TMTC2: variants seen among roughly 807,000 people sequenced by gnomAD.
TMTC2 encodes protein O-mannosyl-transferase TMTC2.
A neutral mutation model predicts 82.4 loss-of-function variants in TMTC2; 43 were observed. The ratio of observed to expected loss-of-function variants is 0.52; its 90% CI spans 0.41 to 0.67. The LOEUF is 0.67. TMTC2 is among the 30% of genes least tolerant of loss of function. The pLI is 0.00. For synonymous variants in TMTC2, 408 were observed against 381.9 expected (o/e 1.07, Z -0.80); for missense variants, 919 against 1,012.4 (o/e 0.91, Z 1.25).
intron 7 of TMTC2, among the ~76,000 whole-genome samples, chr12:82,968,775 C>G (rs1225601347): frequency 6.6e-6 from 1 of 152,150 alleles, no homozygotes; most frequent in Non-Finnish European, 1.5e-5. Context: ...ATGCTCAGCT[C>G]ACACAGGCAG....
intron 1 of TMTC2, among the ~76,000 whole-genome samples, chr12:82,849,026 G>T (rs1331075935): frequency 6.6e-6 from 1 of 152,098 alleles, no homozygotes; most frequent in Non-Finnish European, 1.5e-5. Flanking sequence ...AGTGATGGGA[G>T]ATTGGCCTTG....
chr12:83,088,427 C>T (rs1260390681), intron 11 of TMTC2, among the ~76,000 whole-genome samples: 1 of 152,180 alleles, frequency 6.6e-6, no homozygotes, highest in South Asian at 2.1e-4. Flanking sequence ...AGCTTTTGGC[C>T]TGTCTTGCCT....
chr12:83,125,861 T>C (rs1455874449), intron 11 of TMTC2, among the ~76,000 whole-genome samples: 1 of 152,220 alleles, frequency 6.6e-6, no homozygotes, highest in African/African-American at 2.4e-5. Flanking sequence ...ACTCCTGTTA[T>C]ATTAATGCAT....
At chr12:82,967,087 A>T in intron 7 of TMTC2, 90 bp downstream of exon 7, 1 of 940,220 alleles carries the variant, frequency 1.1e-6, no homozygotes. Flanking sequence ...AATTCTAATA[A>T]ATCATATTAA....
intron 8 of TMTC2, among the ~76,000 whole-genome samples, chr12:83,004,015 A>T (rs1880038906): frequency 6.6e-6 from 1 of 152,132 alleles, no homozygotes; most frequent in African/African-American, 2.4e-5. Context: ...AGTGAATTGC[A>T]GTTTTGATCT....
rs1180033034 is a variant in TMTC2, at chr12:82,691,485, T to C, written c.83+3816T>C. 4.6e-5 allele frequency among the ~76,000 whole-genome samples: 7 copies of C among 152,284 alleles called. No homozygotes were observed. In the East Asian group the frequency reaches 1.3e-3, roughly 29 times the overall value. On this transcript the variant is annotated intron_variant, in intron 1 of 11. Coordinates refer to ENST00000321196, the MANE Select transcript of TMTC2 (RefSeq NM_152588.3). The stretch of plus-strand genomic sequence containing the variant: ...AACACATGAGTTAATTTTTTCTTTA[T>C]AATGATTTTAATATTATTTAAAATG...
intron 7 of TMTC2, among the ~76,000 whole-genome samples, chr12:82,981,784 G>T (rs1024704649): frequency 6.6e-5 from 10 of 151,604 alleles, no homozygotes; most frequent in Non-Finnish European, 1.0e-4. Flanking sequence ...TTCTTTTCCT[G>T]TGGCCATTTC....
At chr12:82,765,703 AAAC>A (rs779617736) in intron 1 of TMTC2, among the ~76,000 whole-genome samples, 20 of 100,956 alleles carry the variant, frequency 2.0e-4, no homozygotes, top group Middle Eastern at 7.8e-3. Flanking sequence ...AAAACAAAAC[AAAC>A]AAACAAACAA....
At chr12:82,915,177 A>G (rs1874931796) in intron 3 of TMTC2, among the ~76,000 whole-genome samples, 1 of 152,142 alleles carries the variant, frequency 6.6e-6, no homozygotes, top group Non-Finnish European at 1.5e-5. Context: ...CTTAAGGAGC[A>G]TGGTTAAAGA....
chr12:83,122,814 A>G (rs1884995917), intron 11 of TMTC2, among the ~76,000 whole-genome samples: 1 of 152,166 alleles, frequency 6.6e-6, no homozygotes, highest in Admixed American at 6.5e-5. Context: ...CTGTCCAATC[A>G]GAGCTGCAAT....
At chr12:82,842,351 T>G (rs1201999910) in intron 1 of TMTC2, among the ~76,000 whole-genome samples, 1 of 152,166 alleles carries the variant, frequency 6.6e-6, no homozygotes, top group Non-Finnish European at 1.5e-5. Flanking sequence ...CCCCATTGAG[T>G]GATTCAAATT....
chr12:83,106,335 AC>A (rs1185067795), intron 11 of TMTC2, among the ~76,000 whole-genome samples: 4 of 152,074 alleles, frequency 2.6e-5, no homozygotes, highest in Non-Finnish European at 5.9e-5. Flanking sequence ...CCCCATCTTT[AC>A]TAAAAATACA....
intron 3 of TMTC2, among the ~76,000 whole-genome samples, chr12:82,904,032 C>A (rs992239180): frequency 2.6e-5 from 4 of 152,156 alleles, no homozygotes; most frequent in Non-Finnish European, 4.4e-5. Flanking sequence ...CAAAACTCTT[C>A]CAATCCAGGT....
At chr12:83,080,045 C>T (rs2137502491) in intron 11 of TMTC2, among the ~76,000 whole-genome samples, 1 of 152,190 alleles carries the variant, frequency 6.6e-6, no homozygotes, top group South Asian at 2.1e-4. Context: ...CTTAGTTTTC[C>T]CTTCATTGCA....
chr12:82,880,159 TATG>T (rs1872754474), intron 2 of TMTC2, among the ~76,000 whole-genome samples: 1 of 152,194 alleles, frequency 6.6e-6, no homozygotes, highest in South Asian at 2.1e-4. Context: ...TATTAAGAAA[TATG>T]ATCCTTACTG....
intron 4 of TMTC2, among the ~76,000 whole-genome samples, chr12:82,954,308 C>T (rs921907120): frequency 1.3e-5 from 2 of 152,070 alleles, no homozygotes; most frequent in African/African-American, 4.8e-5. Context: ...TTCACCTCAC[C>T]TGTTCTCTTG....
At chr12:82,751,603 GT>G (rs1876011630) in intron 1 of TMTC2, among the ~76,000 whole-genome samples, 1 of 152,028 alleles carries the variant, frequency 6.6e-6, no homozygotes. Context: ...TTTGAAATTT[GT>G]AAATTGTCAC....
intron 2 of TMTC2, among the ~76,000 whole-genome samples, chr12:82,872,065 TA>T (rs10713848): frequency 0.23 from 29,583 of 126,730 alleles, 6,090 homozygotes; most frequent in African/African-American, 0.57. Context: ...AGTTTCAAAG[TA>T]AAAAAATAGC....
intron 1 of TMTC2, among the ~76,000 whole-genome samples, chr12:82,824,584 A>G (rs1869300363): frequency 6.6e-6 from 1 of 152,238 alleles, no homozygotes; most frequent in Admixed American, 6.5e-5. Context: ...ATGTAAGAAA[A>G]AGATACAGAA....
Sources: allele counts gnomAD v4.1 joint callset (sites outside exome capture counted in the v4.1 genomes callset), GRCh38; gene constraint gnomAD v4.1.1; transcripts MANE v1.5; gene names NCBI Gene and HGNC (gene_info 2026-07-23, HGNC 2026-07-21).